P2RY6: variants seen among roughly 807,000 people sequenced by gnomAD.
P2RY6 encodes the protein P2Y purinoceptor 6.
A neutral mutation model predicts 16.3 loss-of-function variants in P2RY6; 19 were observed. That is an observed-to-expected ratio of 1.16 (90% CI 0.81 to 1.71). The LOEUF (loss-of-function observed/expected upper bound fraction) is 1.71. P2RY6 is among the 40% of genes most tolerant of loss of function. The probability of loss-of-function intolerance (pLI) is 0.00; values close to 1 mark genes in which losing one functional copy is unlikely to be tolerated. For synonymous variants in P2RY6, 184 were observed against 201.5 expected, an observed-to-expected ratio of 0.91 and a Z score of 0.74; for missense variants, 389 against 455.5, an observed-to-expected ratio of 0.85 and a Z score of 1.33.
At chr11:73,289,226 A>G (rs185419360) in intron 1 of P2RY6, among the ~76,000 whole-genome samples, 257 of 152,308 alleles carry the variant, frequency 1.7e-3, no homozygotes, top group African/African-American at 6.0e-3. Context: ...AACTGACCCC[A>G]TGGTTGTCGC....
chr11:73,278,146 TTTTA>T (rs59488451), intron 1 of P2RY6, among the ~76,000 whole-genome samples: 106,825 of 145,686 alleles, frequency 0.73, 40,062 homozygotes, highest in East Asian at 0.93. Context: ...TCCAGGACTG[TTTTA>T]TTTATTTATT....
chr11:73,276,788 C>T (rs768759793), intron 1 of P2RY6, among the ~76,000 whole-genome samples: 2 of 152,150 alleles, frequency 1.3e-5, no homozygotes, highest in Non-Finnish European at 2.9e-5. Context: ...TGGATAGTGA[C>T]GATGGTTGCA....
intron 1 of P2RY6, among the ~76,000 whole-genome samples, chr11:73,292,310 G>T (rs952602508): frequency 6.6e-6 from 1 of 152,208 alleles, no homozygotes; most frequent in Non-Finnish European, 1.5e-5. Flanking sequence ...GGGAGAAGGC[G>T]GCTGAGTAAG....
rs76525531 is a variant in P2RY6, at chr11:73,280,257, T to C, written c.-121+7791T>C. On this transcript the variant is annotated intron_variant, in intron 1 of 2. Coordinates refer to ENST00000540124, the MANE Select transcript of P2RY6 (RefSeq NM_001277204.2). ...GCTACCTTGAGCTAATCTTTGTGGC[T>C]TGGTTTCCCCACCAGAAGTATAAAA... Among the ~76,000 whole-genome samples the C allele has an allele frequency of 1.7e-4, 26 of 152,328 alleles. No individual in the cohort carries two copies. In the East Asian group the frequency reaches 4.4e-3, roughly 26 times the overall value.
chr11:73,282,880 C>G (rs563261338), intron 1 of P2RY6, among the ~76,000 whole-genome samples: 37 of 152,306 alleles, frequency 2.4e-4, no homozygotes, highest in African/African-American at 8.9e-4. Context: ...TGAGCAAATA[C>G]TTCCTGTGCA....
upstream of P2RY6, among the ~76,000 whole-genome samples, chr11:73,268,185 C>T (rs921907267): frequency 6.6e-6 from 1 of 152,232 alleles, no homozygotes; most frequent in African/African-American, 2.4e-5. Context: ...ATTGCACCCA[C>T]AGGCATGTGC....
In P2RY6 at chr11:73,281,231, G is replaced by A. The variant is rs778118600; in HGVS notation, c.-121+8765G>A. ...ATGTCTGCTATATCAGCTCATCCGC[G>A]CCCTCAGCCCATCCTCATGCCCTGG... On this transcript the variant is annotated intron_variant, in intron 1 of 2. Transcript: ENST00000540124. Among the ~76,000 whole-genome samples, 7 of 152,188 alleles carry A rather than the reference G, an allele frequency of 4.6e-5. No homozygotes were observed. In the East Asian group the frequency reaches 5.8e-4, roughly 13 times the overall value.
intron 1 of P2RY6, among the ~76,000 whole-genome samples, chr11:73,277,336 A>ACTCCTGACCTCAAGTGATCCACCCAT (rs11272607): frequency 1.3e-5 from 2 of 151,474 alleles, no homozygotes; most frequent in Non-Finnish European, 2.9e-5. Context: ...CCAGTCTCAA[A>ACTCCTGACCTCAAGTGATCCACCCAT]CTCTGCCTCC....
At chr11:73,289,643 TGGCGCCATCTCATGGCTACA>T (rs1005526943) in intron 1 of P2RY6, among the ~76,000 whole-genome samples, 1 of 152,250 alleles carries the variant, frequency 6.6e-6, no homozygotes, top group African/African-American at 2.4e-5. Flanking sequence ...GGCTGTCCTC[TGGCGCCATCTCATGGCTACA>T]GGGTCTCAAT....
chr11:73,294,491 T>C (rs567792670), intron 1 of P2RY6, among the ~76,000 whole-genome samples: 2 of 152,372 alleles, frequency 1.3e-5, no homozygotes, highest in Admixed American at 6.5e-5. Flanking sequence ...TTCCTGGCTA[T>C]GCTATGGTGG....
intron 1 of P2RY6, among the ~76,000 whole-genome samples, chr11:73,279,737 GC>G (rs1863682153): frequency 6.6e-6 from 1 of 152,194 alleles, no homozygotes; most frequent in Non-Finnish European, 1.5e-5. Context: ...CTAATTGGTT[GC>G]CCCTGAACCA....
upstream of P2RY6, among the ~76,000 whole-genome samples, chr11:73,269,705 G>T (rs1179652888): frequency 6.6e-6 from 1 of 152,208 alleles, no homozygotes; most frequent in Non-Finnish European, 1.5e-5. Context: ...GGTACACATG[G>T]CTGACAAGCC....
intron 1 of P2RY6, among the ~76,000 whole-genome samples, chr11:73,294,236 T>G (rs1284527075): frequency 6.6e-6 from 1 of 152,232 alleles, no homozygotes; most frequent in Admixed American, 6.5e-5. Flanking sequence ...TCTTTCATTC[T>G]GCTCTGAAAA....
chr11:73,289,665 G>T (rs928544851), intron 1 of P2RY6, among the ~76,000 whole-genome samples: 1 of 152,214 alleles, frequency 6.6e-6, no homozygotes, highest in Admixed American at 6.5e-5. Flanking sequence ...ATGGCTACAG[G>T]GTCTCAATGC....
chr11:73,295,461 T>C (rs1864433859), intron 1 of P2RY6, among the ~76,000 whole-genome samples: 1 of 152,192 alleles, frequency 6.6e-6, no homozygotes, highest in African/African-American at 2.4e-5. Context: ...CTGTCTCTTC[T>C]GGATTGGGCA....
In P2RY6 at chr11:73,297,977, T is replaced by C. The variant is rs1164401258; in HGVS notation, c.*472T>C. On this transcript the variant is annotated 3_prime_UTR_variant, in exon 3 of 3. Coordinates refer to ENST00000540124, the MANE Select transcript of P2RY6 (RefSeq NM_001277204.2). ...ATTTAGAAAGCCTTTACTGACACCT[T>C]GTGCTCAGGCCTGTGTTGGTTCTGG... The C allele has an allele frequency of 5.5e-6, 1 of 181,408 alleles. No homozygotes were observed. The highest frequency in any genetic ancestry group is 1.3e-5 in the Non-Finnish European group (1 of 77,158). 11.2% of individuals were successfully genotyped at this position (181,408 alleles called of 1,614,324 possible). A position where few individuals can be genotyped will look rare whatever the true frequency, so the allele number is the denominator to read the frequency against.
At position 73,298,577 on chromosome 11, in the gene P2RY6, C is replaced by A. The variant is rs1864602109; in HGVS notation, c.*1072C>A. 6.0e-6 allele frequency: 1 copy of A among 165,492 alleles called. No individual in the cohort carries two copies. Among genetic ancestry groups the A allele is most frequent in the African/African-American group, 2.4e-5 (1 of 41,440 alleles). The allele number at this position is 165,492 out of a possible 1,614,324, so 10.3% of individuals were successfully genotyped here. On this transcript the variant is annotated 3_prime_UTR_variant, in exon 3 of 3. Transcript: ENST00000540124. Reference sequence around the variant, plus strand: ...CCCAAGAGTTTTAGACCAGCCTGGGCAACACAGTAAGACCCTGTTTCTACA... The same window carrying A: ...CCCAAGAGTTTTAGACCAGCCTGGGAAACACAGTAAGACCCTGTTTCTACA...
At chr11:73,271,893 A>G (rs1369965441), upstream of P2RY6, 1 of 152,154 alleles carries the variant, frequency 6.6e-6, no homozygotes, top group African/African-American at 2.4e-5. Flanking sequence ...TCGGGGTCTC[A>G]GCCTCTCTTA....
At chr11:73,290,842 C>A (rs1864214127) in intron 1 of P2RY6, among the ~76,000 whole-genome samples, 1 of 152,252 alleles carries the variant, frequency 6.6e-6, no homozygotes, top group African/African-American at 2.4e-5. Context: ...AAAGCTAAGG[C>A]CCGGTGAGAG....
Sources: gnomAD v4.1 joint callset for allele counts (sites outside exome capture counted in the v4.1 genomes callset) on GRCh38, gnomAD v4.1.1 for gene constraint, MANE v1.5 for transcripts, NCBI Gene and HGNC (gene_info 2026-07-23, HGNC 2026-07-21) for gene names.